Variants in PPP2R2C observed in about 807,000 individuals in gnomAD.
PPP2R2C encodes the protein protein phosphatase 2 regulatory subunit Bgamma, also known as protein phosphatase 2, regulatory subunit B, gamma.
Under a neutral mutation model 45.3 loss-of-function variants are expected in PPP2R2C, and 10 were observed. The ratio of observed to expected loss-of-function variants is 0.22; its 90% confidence interval spans 0.14 to 0.37. PPP2R2C has a LOEUF of 0.37. PPP2R2C is among the 10% of genes least tolerant of loss of function. The pLI is 1.00. For missense variants in PPP2R2C, 308 were observed against 619.7 expected (o/e 0.50, Z 5.34); for synonymous variants, 257 against 245.4 (o/e 1.05, Z -0.44).
chr4:6,334,685 G>T (rs1170087269), intron 6 of PPP2R2C, among the ~76,000 whole-genome samples: 1 of 152,172 alleles, frequency 6.6e-6, no homozygotes, highest in African/African-American at 2.4e-5. Context: ...GAAGAGAACA[G>T]GGTGGTGGAG....
intron 2 of PPP2R2C, among the ~76,000 whole-genome samples, chr4:6,488,581 G>T (rs1366355929): frequency 6.6e-6 from 1 of 152,128 alleles, no homozygotes; most frequent in Non-Finnish European, 1.5e-5. Context: ...CTACTCAGGA[G>T]GCTGAAGCAG....
intron 1 of PPP2R2C, among the ~76,000 whole-genome samples, chr4:6,405,252 C>A (rs1717718622): frequency 6.6e-6 from 1 of 152,184 alleles, no homozygotes; most frequent in African/African-American, 2.4e-5. Flanking sequence ...AACTCCCGCA[C>A]AGCAGAGCTG....
intron 1 of PPP2R2C, among the ~76,000 whole-genome samples, chr4:6,543,667 G>T (rs1724879910): frequency 6.6e-6 from 1 of 152,130 alleles, no homozygotes; most frequent in Non-Finnish European, 1.5e-5. Context: ...CATGGAGACG[G>T]AGAAGCAGCT....
intron 1 of PPP2R2C, among the ~76,000 whole-genome samples, chr4:6,434,086 T>C (rs577474470): frequency 6.6e-6 from 1 of 152,352 alleles, no homozygotes; most frequent in Admixed American, 6.5e-5. Flanking sequence ...AGTCATAAGA[T>C]ACCATGTTTT....
intron 2 of PPP2R2C, among the ~76,000 whole-genome samples, chr4:6,509,343 T>C (rs1441532589): frequency 6.6e-6 from 1 of 151,632 alleles, no homozygotes; most frequent in African/African-American, 2.4e-5. Context: ...CCCATAACCC[T>C]CCACCCACAG....
intron 2 of PPP2R2C, among the ~76,000 whole-genome samples, chr4:6,479,266 A>G (rs965698692): frequency 6.6e-6 from 1 of 152,178 alleles, no homozygotes; most frequent in African/African-American, 2.4e-5. Context: ...CTCTGCCAGC[A>G]TTCCCCTCCA....
intron 5 of PPP2R2C, among the ~76,000 whole-genome samples, chr4:6,353,251 C>T (rs1712728691): frequency 6.6e-6 from 1 of 151,418 alleles, no homozygotes. Context: ...CTATGGGCAG[C>T]CACCGACAGC....
rs1037432669 is a variant in PPP2R2C at position 6,332,668 on chromosome 4, C to T, written c.960+894G>A. The stretch of plus-strand genomic sequence containing the variant: ...GCCGAGAGACACCTCCCTCATCTCC[C>T]TACCTCTCAGTGCCCGAGTTCCCTT... On this transcript the variant is annotated intron_variant, in intron 7 of 8. Transcript: ENST00000382599. This position sits in a 1 kb window ranked among gnomAD's most constrained non-coding sequence, Gnocchi z 4.9. 1.3e-5 allele frequency among the ~76,000 whole-genome samples: 2 copies of T among 152,184 alleles called. No individual in the cohort carries two copies. The highest frequency in any genetic ancestry group is 2.9e-5 in the Non-Finnish European group (2 of 68,020).
At chr4:6,519,486 C>A (rs1723947059) in intron 2 of PPP2R2C, among the ~76,000 whole-genome samples, 1 of 152,194 alleles carries the variant, frequency 6.6e-6, no homozygotes, top group African/African-American at 2.4e-5. Flanking sequence ...CGTCATGCAG[C>A]CTCCCTCTCC....
At chr4:6,361,876 C>T (rs1042882408) in intron 5 of PPP2R2C, among the ~76,000 whole-genome samples, 11 of 152,296 alleles carry the variant, frequency 7.2e-5, no homozygotes, top group Admixed American at 3.3e-4. Flanking sequence ...GCTCCATGAT[C>T]GATCGATGGC....
chr4:6,377,160 GC>G (rs1715378425), intron 3 of PPP2R2C, among the ~76,000 whole-genome samples: 1 of 152,240 alleles, frequency 6.6e-6, no homozygotes, highest in Admixed American at 6.5e-5. Flanking sequence ...AGCCTTGGAG[GC>G]CCCGCTGAGG....
rs138031809 is a variant in PPP2R2C at position 6,372,575 on chromosome 4, C to G, written c.573G>C (p.Ala191=). ...VNSDCETYMS[A]DDLRINLWHL... ...GCCAGAGGTTGATGCGCAGGTCATCCGCCGACATGTAGGTCTCGCAGTCAC... is the reference window on the plus strand; with the variant it reads ...GCCAGAGGTTGATGCGCAGGTCATCGGCCGACATGTAGGTCTCGCAGTCAC... Residue 191 remains alanine, a synonymous_variant, in exon 5 of 9, where the codon GCG becomes GCC. Transcript: ENST00000382599. The G allele has an allele frequency of 4.3e-6, 7 of 1,614,084 alleles. No individual in the cohort carries two copies. In the African/African-American group the frequency reaches 5.3e-5, roughly 12 times the overall value.
intron 1 of PPP2R2C, among the ~76,000 whole-genome samples, chr4:6,434,468 C>T (rs1047034096): frequency 1.4e-5 from 2 of 147,436 alleles, no homozygotes; most frequent in Admixed American, 7.0e-5. Context: ...AAGCGATTCT[C>T]GTGCCTCAGC....
rs527268195 is a variant in PPP2R2C, at chr4:6,328,651, G to A, written c.1052+611C>T. On this transcript the variant is annotated intron_variant, in intron 8 of 8. Transcript: ENST00000382599. The surrounding 1 kb of genome is among the most constrained non-coding windows in gnomAD (Gnocchi z 4.4). ...CCGCCCTGGGCTGAGCCCAGGCTAGGGAGACACAGGAACTCACTTCTGGCA... is the reference window on the plus strand; with the variant it reads ...CCGCCCTGGGCTGAGCCCAGGCTAGAGAGACACAGGAACTCACTTCTGGCA... Among the ~76,000 whole-genome samples the A allele has an allele frequency of 1.3e-5, 2 of 152,322 alleles. No individual in the cohort carries two copies. The highest frequency in any genetic ancestry group is 4.8e-5 in the African/African-American group (2 of 41,586).
chr4:6,406,497 A>G (rs1717802744), intron 1 of PPP2R2C, among the ~76,000 whole-genome samples: 1 of 152,252 alleles, frequency 6.6e-6, no homozygotes, highest in Admixed American at 6.5e-5. Flanking sequence ...TGGGAGCCCA[A>G]TGCGGGTAGA....
At chr4:6,353,032 A>C (rs1431517976) in intron 5 of PPP2R2C, among the ~76,000 whole-genome samples, 1 of 152,126 alleles carries the variant, frequency 6.6e-6, no homozygotes, top group Admixed American at 6.5e-5. Flanking sequence ...GCTGGAGGAG[A>C]CAAGGAAGCC....
chr4:6,469,221 G>A (rs1301598370), intron 1 of PPP2R2C, among the ~76,000 whole-genome samples: 13 of 152,024 alleles, frequency 8.6e-5, no homozygotes, highest in Non-Finnish European at 1.3e-4. Context: ...GGGCTCCCAC[G>A]GGCAAAGATG....
At chr4:6,382,156 C>T in intron 1 of PPP2R2C, 1 of 1,205,700 alleles carries the variant, frequency 8.3e-7, no homozygotes, top group Non-Finnish European at 1.0e-6. Context: ...TAAAAATCCA[C>T]ATTTCCAGTA....
At chr4:6,418,873 C>T (rs1450257876) in intron 1 of PPP2R2C, among the ~76,000 whole-genome samples, 1 of 151,892 alleles carries the variant, frequency 6.6e-6, no homozygotes, top group African/African-American at 2.4e-5. Flanking sequence ...AGTGTCATGC[C>T]TGGTTCTGGG....
Sources: allele counts gnomAD v4.1 joint callset (sites outside exome capture counted in the v4.1 genomes callset), GRCh38; gene constraint gnomAD v4.1.1; non-coding constraint Gnocchi (gnomAD v3.1); transcripts MANE v1.5; gene names NCBI Gene and HGNC (gene_info 2026-07-23, HGNC 2026-07-21).